Variants in FABP6 observed in about 807,000 individuals in gnomAD.
FABP6 encodes the protein fatty acid binding protein 6, also known as gastrotropin.
A neutral mutation model predicts 14.9 loss-of-function variants in FABP6; 13 were observed. That is an observed-to-expected ratio of 0.87 (90% CI 0.57 to 1.39). FABP6 has a LOEUF of 1.39. Ranked by LOEUF, FABP6 falls within the 40% of genes most tolerant of loss-of-function variation. The pLI is 0.00. For missense variants in FABP6, 161 were observed against 167.2 expected, an observed-to-expected ratio of 0.96 and a Z score of 0.20; for synonymous variants, 75 against 63.6, an observed-to-expected ratio of 1.18 and a Z score of -0.85.
chr5:160,213,364 G>A (rs1457458992), intron 2 of FABP6, among the ~76,000 whole-genome samples: 1 of 152,214 alleles, frequency 6.6e-6, no homozygotes, highest in Non-Finnish European at 1.5e-5. Context: ...TTCTGGTGGT[G>A]GTGGCCATAT....
chr5:160,204,467 C>G (rs78705275), intron 2 of FABP6, among the ~76,000 whole-genome samples: 4 of 152,162 alleles, frequency 2.6e-5, no homozygotes, highest in African/African-American at 9.7e-5. Flanking sequence ...TCCCCCTCAT[C>G]CCCTGCATCC....
chr5:160,207,195 G>A (rs1348079747), intron 2 of FABP6, among the ~76,000 whole-genome samples: 5 of 152,226 alleles, frequency 3.3e-5, no homozygotes, highest in Non-Finnish European at 7.3e-5. Context: ...AGATGAGGTA[G>A]GGAAATGGGC....
At chr5:160,208,777 CTTTT>C (rs1305653701) in intron 2 of FABP6, among the ~76,000 whole-genome samples, 1 of 131,746 alleles carries the variant, frequency 7.6e-6, no homozygotes, top group Non-Finnish European at 1.7e-5. Flanking sequence ...TTCTTTCTTT[CTTTT>C]CTTTTTTTTT....
intron 1 of FABP6, chr5:160,197,309 G>C (rs1159392510): frequency 3.9e-5 from 6 of 152,230 alleles, no homozygotes; most frequent in African/African-American, 1.4e-4. Flanking sequence ...CTTCACTTGA[G>C]ACAGCGTGTC....
At chr5:160,232,833 G>A (rs533262838) in intron 2 of FABP6, among the ~76,000 whole-genome samples, 2 of 151,844 alleles carry the variant, frequency 1.3e-5, no homozygotes, top group African/African-American at 4.8e-5. Context: ...GTAGGCAGAG[G>A]TTGCAGTGAG....
chr5:160,209,506 A>G (rs1023987079), intron 2 of FABP6, among the ~76,000 whole-genome samples: 11 of 152,076 alleles, frequency 7.2e-5, no homozygotes, highest in Non-Finnish European at 4.4e-5. Flanking sequence ...TGGGTGACAA[A>G]GTGAGACCCT....
intron 3 of FABP6, among the ~76,000 whole-genome samples, chr5:160,222,106 T>C (rs1295306775): frequency 6.6e-6 from 1 of 150,830 alleles, no homozygotes; most frequent in East Asian, 1.9e-4. Flanking sequence ...TTTTTTTTTT[T>C]TTTTTTAGAC....
At chr5:160,206,844 G>GGCA (rs1759778567) in intron 2 of FABP6, among the ~76,000 whole-genome samples, 1 of 152,134 alleles carries the variant, frequency 6.6e-6, no homozygotes, top group Non-Finnish European at 1.5e-5. Flanking sequence ...GGACATGCAC[G>GGCA]GCAGCACCTG....
Position 160,192,617 on chromosome 5 carries a change from G to A in FABP6, c.-59+5163G>A, listed in dbSNP as rs939339751. Among the ~76,000 whole-genome samples, 5 of 152,252 alleles carry A rather than the reference G, an allele frequency of 3.3e-5. No homozygotes were observed. In the East Asian group the frequency reaches 7.7e-4, roughly 23 times the overall value. ...TCCAATAGACACTGGGCCCTACTAT[G>A]CGCCTGGCACCGTGCTAGACAGCAG... On this transcript the variant is annotated intron_variant, in intron 1 of 6. Transcript: ENST00000393980.
chr5:160,198,389 C>T (rs1759560328), intron 1 of FABP6: 1 of 152,438 alleles, frequency 6.6e-6, no homozygotes, highest in Non-Finnish European at 1.5e-5. Context: ...CTCCCACTCG[C>T]CCCATCAGCC....
In FABP6 at chr5:160,229,969, G is replaced by A. The variant is rs185924756; in HGVS notation, c.67+345G>A. On this transcript the variant is annotated intron_variant, in intron 1 of 3. Coordinates refer to ENST00000402432, the MANE Select transcript of FABP6 (RefSeq NM_001445.3). ...GCTCACTGCAACCTTCGGCTCCCAC[G>A]TTCAAGTAATTCTCCTGCCTCAGCC... 3.4e-3 allele frequency among the ~76,000 whole-genome samples: 509 copies of A among 151,268 alleles called. 1 individual carries two copies. Among genetic ancestry groups the A allele is most frequent in the Non-Finnish European group, 6.1e-3 (413 of 67,928 alleles).
chr5:160,213,727 C>G (rs749345788), intron 2 of FABP6: 2 of 1,613,434 alleles, frequency 1.2e-6, no homozygotes, highest in Non-Finnish European at 1.7e-6. Context: ...TATTTCTCTT[C>G]TGACTCAGGT....
intron 3 of FABP6, among the ~76,000 whole-genome samples, chr5:160,219,963 T>G (rs1760097537): frequency 6.6e-6 from 1 of 152,088 alleles, no homozygotes; most frequent in Admixed American, 6.6e-5. Flanking sequence ...GAACACAGCC[T>G]TACAGCCTAT....
intron 1 of FABP6, chr5:160,198,939 G>A: frequency 1.5e-6 from 1 of 674,084 alleles, no homozygotes; most frequent in South Asian, 1.8e-5. Context: ...GGGCCCATGT[G>A]TCTGGCACAC....
intron 1 of FABP6, among the ~76,000 whole-genome samples, chr5:160,196,304 C>T (rs1056698866): frequency 2.6e-5 from 4 of 152,194 alleles, no homozygotes; most frequent in Non-Finnish European, 4.4e-5. Context: ...GTTGAGAAGG[C>T]GGTGACAACC....
At chr5:160,192,937 C>A (rs535118873) in intron 1 of FABP6, among the ~76,000 whole-genome samples, 30 of 152,290 alleles carry the variant, frequency 2.0e-4, no homozygotes, top group Middle Eastern at 6.8e-3. Flanking sequence ...CATAGTGAGA[C>A]CCTGTCTCTA....
chr5:160,237,723 G>A (rs753498838), intron 3 of FABP6, among the ~76,000 whole-genome samples: 1 of 152,016 alleles, frequency 6.6e-6, no homozygotes, highest in Non-Finnish European at 1.5e-5. Context: ...GACCTTCCAC[G>A]GCCTTACTGC....
At chr5:160,227,854 GTC>G (rs1554114212), upstream of FABP6, among the ~76,000 whole-genome samples, 11 of 151,342 alleles carry the variant, frequency 7.3e-5, no homozygotes, top group African/African-American at 2.4e-4. Flanking sequence ...GTGTGTGTCT[GTC>G]TGTCTGTCTG....
intron 3 of FABP6, among the ~76,000 whole-genome samples, chr5:160,217,410 C>T (rs891710475): frequency 2.0e-5 from 3 of 152,084 alleles, no homozygotes; most frequent in Non-Finnish European, 4.4e-5. Flanking sequence ...AGAAGAAGGG[C>T]TGAATGCTAG....
Sources: allele counts gnomAD v4.1 joint callset (sites outside exome capture counted in the v4.1 genomes callset), GRCh38; gene constraint gnomAD v4.1.1; transcripts MANE v1.5; gene names NCBI Gene and HGNC (gene_info 2026-07-23, HGNC 2026-07-21).